The following ADAM18 variants were observed in gnomAD, a reference collection of about 807,000 sequenced individuals.
The protein encoded by ADAM18 is ADAM metallopeptidase domain 18, also known as disintegrin and metalloproteinase domain-containing protein 18.
A neutral mutation model predicts 94.4 loss-of-function variants in ADAM18; 117 were observed. The ratio of observed to expected loss-of-function variants is 1.24; its 90% CI spans 1.07 to 1.45. ADAM18 has a LOEUF of 1.45. Ranked by LOEUF, ADAM18 falls within the 40% of genes most tolerant of loss-of-function variation. The probability of loss-of-function intolerance (pLI) is 0.00; values close to 1 mark genes in which losing one functional copy is unlikely to be tolerated. For synonymous variants in ADAM18, 327 were observed against 291.6 expected (o/e 1.12, Z -1.24); for missense variants, 936 against 880.0 (o/e 1.06, Z -0.81).
intron 2 of ADAM18, among the ~76,000 whole-genome samples, chr8:39,599,671 CAT>C: frequency 6.6e-6 from 1 of 152,126 alleles, no homozygotes; most frequent in Admixed American, 6.5e-5. Context: ...TAAAAAATGT[CAT>C]GTTTTTGATG....
At chr8:39,652,764 G>A (rs1239813386) in intron 12 of ADAM18, among the ~76,000 whole-genome samples, 2 of 152,176 alleles carry the variant, frequency 1.3e-5, no homozygotes, top group Non-Finnish European at 2.9e-5. Flanking sequence ...GTGTACAATA[G>A]CCAAGGAATC....
At chr8:39,681,909 A>C (rs1216587593) in intron 16 of ADAM18, among the ~76,000 whole-genome samples, 1 of 152,194 alleles carries the variant, frequency 6.6e-6, no homozygotes, top group Non-Finnish European at 1.5e-5. Context: ...ATATAATAAG[A>C]AATGAAAGAA....
chr8:39,625,811 G>A (rs1484167383), intron 6 of ADAM18, among the ~76,000 whole-genome samples: 2 of 151,810 alleles, frequency 1.3e-5, no homozygotes, highest in African/African-American at 4.8e-5. Context: ...TTTTTATGTG[G>A]TGAATCACAT....
chr8:39,656,095 GGAATT>G (rs1460158894), intron 12 of ADAM18, among the ~76,000 whole-genome samples: 1 of 151,904 alleles, frequency 6.6e-6, no homozygotes, highest in Non-Finnish European at 1.5e-5. Flanking sequence ...TATGCTAGCA[GGAATT>G]GTGTTTGCAT....
intron 18 of ADAM18, 124 bp from the exon 19 acceptor site, chr8:39,723,624 T>C (rs1822818843): frequency 1.7e-6 from 1 of 583,106 alleles, no homozygotes; most frequent in African/African-American, 2.0e-5. Context: ...GTTCTATTTT[T>C]CCTAGTAGTT....
At chr8:39,657,928 A>G (rs1820732438) in intron 12 of ADAM18, among the ~76,000 whole-genome samples, 2 of 152,222 alleles carry the variant, frequency 1.3e-5, no homozygotes, top group South Asian at 4.1e-4. Flanking sequence ...TGTCAGGAAT[A>G]GACATAACTG....
chr8:39,713,978 G>A (rs796921206), intron 18 of ADAM18, among the ~76,000 whole-genome samples: 3 of 152,074 alleles, frequency 2.0e-5, no homozygotes, highest in Non-Finnish European at 4.4e-5. Flanking sequence ...CTACTATAAA[G>A]ACACATGCAC....
intron 2 of ADAM18, among the ~76,000 whole-genome samples, chr8:39,603,451 C>T (rs558589862): frequency 7.9e-5 from 12 of 152,252 alleles, no homozygotes; most frequent in East Asian, 7.7e-4. Context: ...AGCATGTGCT[C>T]GTTTTGTATC....
intron 14 of ADAM18, among the ~76,000 whole-genome samples, chr8:39,676,441 G>A (rs1821303872): frequency 6.6e-6 from 1 of 152,222 alleles, no homozygotes; most frequent in Non-Finnish European, 1.5e-5. Flanking sequence ...GTGGGCATGG[G>A]AACTGTCGAG....
chr8:39,729,853 A>G, intron 19 of ADAM18, 45 bp from the exon 20 acceptor site: 2 of 1,549,412 alleles, frequency 1.3e-6, no homozygotes, highest in Non-Finnish European at 8.9e-7. Context: ...GGCTACTACT[A>G]AACATATTGT....
intron 12 of ADAM18, among the ~76,000 whole-genome samples, chr8:39,660,660 C>A (rs1214269207): frequency 6.6e-6 from 1 of 152,080 alleles, no homozygotes; most frequent in East Asian, 1.9e-4. Flanking sequence ...TTTTAATACT[C>A]CACTTTCAAC....
intron 13 of ADAM18, among the ~76,000 whole-genome samples, chr8:39,666,857 G>A (rs114250568): frequency 1.1e-3 from 167 of 152,170 alleles, no homozygotes; most frequent in African/African-American, 2.7e-3. Context: ...CAGCCAAACC[G>A]TATGAAGTAT....
intron 2 of ADAM18, chr8:39,604,645 C>G (rs1328639118): frequency 6.6e-6 from 1 of 152,290 alleles, no homozygotes; most frequent in Non-Finnish European, 1.5e-5. Context: ...GTGCAAGTTC[C>G]TGCTTCACCT....
In ADAM18 at chr8:39,680,154, T is replaced by A; in HGVS notation, c.1749T>A (p.Thr583=). The A allele has an allele frequency of 1.9e-6, 3 of 1,613,880 alleles. No individual in the cohort carries two copies. The highest frequency in any genetic ancestry group is 2.5e-6 in the Non-Finnish European group (3 of 1,179,870). The part of the protein sequence containing the change: ...IQDHVCVSIA[T]GSSMRSDGTD... ...ACCATGTATGTGTATCTATAGCCAC[T>A]GGTTCCTCCATGAGATCAGATGGAA... The change falls in exon 16 of 20, where the codon ACT becomes ACA. Residue 583 remains threonine, a synonymous_variant. Coordinates refer to ENST00000265707, the MANE Select transcript of ADAM18 (RefSeq NM_014237.3).
chr8:39,618,754 G>A (rs61070003), intron 6 of ADAM18, among the ~76,000 whole-genome samples: 5,371 of 152,096 alleles, frequency 0.035, 239 homozygotes, highest in African/African-American at 0.11. Flanking sequence ...ATAGACTCCC[G>A]CAAGGGTCGC....
chr8:39,655,400 T>C (rs1820658053), intron 12 of ADAM18, among the ~76,000 whole-genome samples: 1 of 152,138 alleles, frequency 6.6e-6, no homozygotes, highest in Admixed American at 6.5e-5. Flanking sequence ...AACAGTAACA[T>C]TATGTTCTAT....
chr8:39,648,633 A>C, intron 12 of ADAM18, 106 bp downstream of exon 12: 1 of 1,020,816 alleles, frequency 9.8e-7, no homozygotes, highest in Non-Finnish European at 1.4e-6. Flanking sequence ...AATGCCATTA[A>C]TTTATAACTG....
chr8:39,605,695 T>C, intron 2 of ADAM18: 1 of 230,162 alleles, frequency 4.3e-6, no homozygotes, highest in Non-Finnish European at 8.8e-6. Flanking sequence ...AAATGTACTT[T>C]TCATTTTTAT....
At chr8:39,711,519 A>C (rs1203936023) in intron 18 of ADAM18, among the ~76,000 whole-genome samples, 1 of 152,196 alleles carries the variant, frequency 6.6e-6, no homozygotes, top group Non-Finnish European at 1.5e-5. Flanking sequence ...AAAATCAAGA[A>C]AAACATGTAT....
Sources: allele counts gnomAD v4.1 joint callset (sites outside exome capture counted in the v4.1 genomes callset), GRCh38; gene constraint gnomAD v4.1.1; transcripts MANE v1.5; gene names NCBI Gene and HGNC (gene_info 2026-07-23, HGNC 2026-07-21).